The following CLTC variants were observed in gnomAD, a reference collection of about 807,000 sequenced individuals.
The protein encoded by CLTC is clathrin heavy chain.
A neutral mutation model predicts 195.8 loss-of-function variants in CLTC; 16 were observed. The ratio of observed to expected loss-of-function variants is 0.08; its 90% CI spans 0.06 to 0.12. The LOEUF (loss-of-function observed/expected upper bound fraction) is 0.12, where lower values mean the gene tolerates loss of function less well. Ranked by LOEUF, CLTC falls within the 10% of genes least tolerant of loss-of-function variation. The pLI, the probability that CLTC is intolerant of heterozygous loss-of-function variation, is 1.00. For synonymous variants in CLTC, 667 were observed against 689.4 expected, an observed-to-expected ratio of 0.97 and a Z score of 0.51; for missense variants, 796 against 2,027.0, an observed-to-expected ratio of 0.39 and a Z score of 11.66.
chr17:59,653,559 C>G (rs1417456174), intron 5 of CLTC, among the ~76,000 whole-genome samples: 1 of 150,804 alleles, frequency 6.6e-6, no homozygotes, highest in African/African-American at 2.4e-5. Context: ...CTTTCCCTCT[C>G]CCTCTTTAAA....
At chr17:59,651,160 C>A in intron 4 of CLTC, 43 bp from the exon 5 acceptor site, 1 of 1,193,374 alleles carries the variant, frequency 8.4e-7, no homozygotes, top group Non-Finnish European at 1.2e-6. Flanking sequence ...TGATCAACTG[C>A]TAATGTATAG....
rs199946332 is a variant in CLTC, at chr17:59,682,591, A to G, written c.3601-38A>G. On this transcript the variant is annotated intron_variant, in intron 22 of 31. Transcript: ENST00000269122. This position sits in a 1 kb window ranked among gnomAD's most constrained non-coding sequence, Gnocchi z 6.8. ...TTGAAAAGAGGATTAAGCTCACACT[A>G]ATATCTTGCTGAATGTGGGTTACCT... is the stretch of plus-strand genomic sequence containing the variant. The G allele has an allele frequency of 6.2e-7, 1 of 1,609,352 alleles. No homozygotes were observed. Among genetic ancestry groups the G allele is most frequent in the Non-Finnish European group, 8.5e-7 (1 of 1,176,528 alleles).
Position 59,694,567 on chromosome 17 carries a change from A to G in CLTC, c.*715A>G, listed in dbSNP as rs924187554. 4.4e-6 allele frequency: 1 copy of G among 227,500 alleles called. No individual in the cohort carries two copies. The allele number at this position is 227,500 out of a possible 1,614,324, so 14.1% of individuals were successfully genotyped here. Reference sequence around the variant, plus strand: ...CTTTTTCTGTGGGACCATTCCATTCAGGAGCAAAGAGCACCATGATTCCAA... The same window carrying G: ...CTTTTTCTGTGGGACCATTCCATTCGGGAGCAAAGAGCACCATGATTCCAA... On this transcript the variant is annotated 3_prime_UTR_variant, in exon 32 of 32. Coordinates refer to ENST00000269122, the MANE Select transcript of CLTC (RefSeq NM_004859.4).
chr17:59,691,502 T>C (rs2033297264), intron 31 of CLTC, among the ~76,000 whole-genome samples: 1 of 151,910 alleles, frequency 6.6e-6, no homozygotes, highest in African/African-American at 2.4e-5. Flanking sequence ...CACATGCCTG[T>C]AGTCCCAGCT....
chr17:59,683,134 G>A lies in CLTC; in HGVS notation c.3913G>A (p.Ala1305Thr). ...TGAAGAGCTGATCACCATGTTGGAA[G>A]CAGCACTGGGACTTGAGCGAGCTCA... ...YFEELITMLE[A>T]ALGLERAHMG... is the part of the protein sequence containing the mutation. Residue 1305 changes from alanine to threonine, a missense_variant, in exon 25 of 32, where the codon GCA (alanine) becomes ACA (threonine). Coordinates refer to ENST00000269122, the MANE Select transcript of CLTC (RefSeq NM_004859.4). This position sits in a 1 kb window ranked among gnomAD's most constrained non-coding sequence, Gnocchi z 6.1. 1 of 1,614,128 alleles carries A rather than the reference G, an allele frequency of 6.2e-7. No homozygotes were observed. Among genetic ancestry groups the A allele is most frequent in the Non-Finnish European group, 8.5e-7 (1 of 1,180,004 alleles).
In CLTC at chr17:59,685,882, A is replaced by T. The variant is rs2033173268; in HGVS notation, c.4827+74A>T. 4.3e-6 allele frequency: 5 copies of T among 1,171,420 alleles called. No individual in the cohort carries two copies. Among genetic ancestry groups the T allele is most frequent in the Non-Finnish European group, 6.0e-6 (5 of 826,588 alleles). The allele number at this position is 1,171,420 out of a possible 1,614,324, so 72.6% of individuals were successfully genotyped here. The stretch of plus-strand genomic sequence containing the variant: ...ATTCTACATGCACATTAATTTTTTT[A>T]AATGCTTTTTTCTTTAGTAGAAGTA... On this transcript the variant is annotated intron_variant, in intron 30 of 31. Coordinates refer to ENST00000269122, the MANE Select transcript of CLTC (RefSeq NM_004859.4). This position sits in a 1 kb window ranked among gnomAD's most constrained non-coding sequence, Gnocchi z 5.0.
intron 6 of CLTC, among the ~76,000 whole-genome samples, chr17:59,656,666 A>ATTTTTTTTTTTTTTTTTTTTTTTTT (rs55669818): frequency 7.3e-5 from 7 of 96,220 alleles, no homozygotes; most frequent in Non-Finnish European, 1.3e-4. Context: ...TATTATTTTA[A>ATTTTTTTTTTTTTTTTTTTTTTTTT]TTTTTTTTTT....
At chr17:59,653,859 G>C (rs1260972429) in intron 5 of CLTC, among the ~76,000 whole-genome samples, 2 of 146,614 alleles carry the variant, frequency 1.4e-5, no homozygotes, top group Non-Finnish European at 3.0e-5. Flanking sequence ...TGCAATCTCT[G>C]CCTCCTGGAT....
chr17:59,669,173 A>T (rs1226747577), intron 14 of CLTC, among the ~76,000 whole-genome samples: 1 of 152,176 alleles, frequency 6.6e-6, no homozygotes, highest in East Asian at 1.9e-4. Flanking sequence ...AAAAAATAGC[A>T]CTATTTCAAA....
At chr17:59,660,152 A>C (rs2032576007) in intron 6 of CLTC, among the ~76,000 whole-genome samples, 1 of 152,230 alleles carries the variant, frequency 6.6e-6, no homozygotes, top group Admixed American at 6.5e-5. Flanking sequence ...TAGATTATAG[A>C]ATAGCCATAT....
At chr17:59,674,497 C>T (rs1296816733) in intron 15 of CLTC, 1 of 524,898 alleles carries the variant, frequency 1.9e-6, no homozygotes, top group African/African-American at 2.0e-5. Flanking sequence ...CTTATTAAAC[C>T]ATGAAGTCTT....
intron 5 of CLTC, among the ~76,000 whole-genome samples, chr17:59,655,204 A>G (rs1466800994): frequency 1.3e-5 from 2 of 152,220 alleles, no homozygotes; most frequent in Non-Finnish European, 2.9e-5. Context: ...CATAGAGGCA[A>G]TTGTAGTTAT....
At chr17:59,645,594 T>C (rs1170764488) in intron 2 of CLTC, among the ~76,000 whole-genome samples, 1 of 152,240 alleles carries the variant, frequency 6.6e-6, no homozygotes, top group Non-Finnish European at 1.5e-5. Context: ...CGCAGTAATT[T>C]GTTGATAAAT....
intron 30 of CLTC, chr17:59,686,930 G>A (rs1230398360): frequency 1.1e-6 from 1 of 896,538 alleles, no homozygotes; most frequent in Non-Finnish European, 1.3e-6. Context: ...CTTTGTTGCT[G>A]ATTCTACCTT....
In CLTC at chr17:59,666,994, G is replaced by T. The variant is rs2032746117; in HGVS notation, c.2128+17G>T. 1 of 1,593,258 alleles carries T rather than the reference G, an allele frequency of 6.3e-7. No homozygotes were observed. Among genetic ancestry groups the T allele is most frequent in the East Asian group, 2.2e-5 (1 of 44,624 alleles). On this transcript the variant is annotated intron_variant, in intron 13 of 31. Transcript: ENST00000269122. The surrounding 1 kb of genome is among the most constrained non-coding windows in gnomAD (Gnocchi z 4.9). ...GTTTTGAAGGTAATTAGGAGTTTTT[G>T]AGTTTTTAAAAAAAGTACTTAAGGT...
chr17:59,627,417 T>C (rs1330049015), intron 1 of CLTC, among the ~76,000 whole-genome samples: 4 of 152,220 alleles, frequency 2.6e-5, no homozygotes, highest in Non-Finnish European at 5.9e-5. Context: ...AAGTTCATAG[T>C]AGGTAACTTT....
intron 16 of CLTC, 95 bp from the exon 17 acceptor site, chr17:59,676,859 T>C: frequency 1.1e-6 from 1 of 944,646 alleles, no homozygotes; most frequent in Non-Finnish European, 1.6e-6. Context: ...TGAAAGCACA[T>C]TATAGACCAT....
Position 59,696,444 on chromosome 17 carries a change from A to G in CLTC, c.*2592A>G, listed in dbSNP as rs1031256284. On this transcript the variant is annotated 3_prime_UTR_variant, in exon 32 of 32. Coordinates refer to ENST00000269122, the MANE Select transcript of CLTC (RefSeq NM_004859.4). Reference sequence around the variant, plus strand: ...GCCACTTAAAATGGGCCTATTACCAAAATTCTCCCTGGCATCATTACAGTT... The same window carrying G: ...GCCACTTAAAATGGGCCTATTACCAGAATTCTCCCTGGCATCATTACAGTT... 1 of 214,916 alleles carries G rather than the reference A, an allele frequency of 4.7e-6. No homozygotes were observed. The highest frequency in any genetic ancestry group is 2.3e-5 in the African/African-American group (1 of 44,304). The allele number at this position is 214,916 out of a possible 1,614,324, so 13.3% of individuals were successfully genotyped here.
intron 14 of CLTC, among the ~76,000 whole-genome samples, chr17:59,671,812 T>C (rs1206457730): frequency 6.6e-6 from 1 of 152,220 alleles, no homozygotes; most frequent in Non-Finnish European, 1.5e-5. Flanking sequence ...CATGACCTTC[T>C]TTCTCCTTTA....
Sources: allele counts gnomAD v4.1 joint callset (sites outside exome capture counted in the v4.1 genomes callset), GRCh38; gene constraint gnomAD v4.1.1; non-coding constraint Gnocchi (gnomAD v3.1); transcripts MANE v1.5; gene names NCBI Gene and HGNC (gene_info 2026-07-23, HGNC 2026-07-21).